The following CCDC102B variants were observed in gnomAD, a reference collection of about 807,000 sequenced individuals.
CCDC102B encodes coiled-coil domain containing 102B.
A neutral mutation model predicts 57.4 loss-of-function variants in CCDC102B; 75 were observed. The observed-to-expected ratio is 1.31, with a 90% confidence interval of 1.08 to 1.58. CCDC102B has a LOEUF of 1.58. CCDC102B is among the 40% of genes most tolerant of loss of function. The pLI is 0.00. For synonymous variants in CCDC102B, 206 were observed against 201.9 expected, an observed-to-expected ratio of 1.02 and a Z score of -0.17; for missense variants, 636 against 582.6, an observed-to-expected ratio of 1.09 and a Z score of -0.94.
chr18:68,897,077 CA>C (rs2040267716), intron 5 of CCDC102B, 141 bp from the exon 6 acceptor site: 1 of 625,322 alleles, frequency 1.6e-6, no homozygotes, highest in Non-Finnish European at 2.8e-6. Flanking sequence ...CTCATGTTTT[CA>C]AACAAATAGA....
chr18:68,794,686 C>T (rs1352926577), upstream of CCDC102B, among the ~76,000 whole-genome samples: 1 of 151,990 alleles, frequency 6.6e-6, no homozygotes, highest in Admixed American at 6.6e-5. Context: ...TATCATATGC[C>T]CCCAAGTGAT....
chr18:69,052,538 A>C (rs555434362), intron 7 of CCDC102B, among the ~76,000 whole-genome samples: 1 of 151,880 alleles, frequency 6.6e-6, no homozygotes, highest in Non-Finnish European at 1.5e-5. Flanking sequence ...GCACGTGTGT[A>C]TCAACAATAG....
chr18:68,967,811 T>A (rs2050202478), intron 6 of CCDC102B, among the ~76,000 whole-genome samples: 1 of 152,124 alleles, frequency 6.6e-6, no homozygotes, highest in Admixed American at 6.6e-5. Flanking sequence ...GTTGGAAACA[T>A]CTCTAGTTTC....
intron 6 of CCDC102B, among the ~76,000 whole-genome samples, chr18:68,974,920 C>A (rs2050393063): frequency 6.6e-6 from 1 of 151,846 alleles, no homozygotes; most frequent in African/African-American, 2.4e-5. Context: ...TCATTTAAAA[C>A]ATTTACATAG....
chr18:68,820,269 G>C (rs186500755), intron 1 of CCDC102B, among the ~76,000 whole-genome samples: 1 of 152,130 alleles, frequency 6.6e-6, no homozygotes, highest in East Asian at 1.9e-4. Flanking sequence ...TTGTAAACTG[G>C]TGTTGAATTT....
intron 6 of CCDC102B, among the ~76,000 whole-genome samples, chr18:68,907,118 T>C (rs894819387): frequency 6.6e-6 from 1 of 152,170 alleles, no homozygotes; most frequent in African/African-American, 2.4e-5. Flanking sequence ...ATTATCCATA[T>C]AGGTATGGTT....
intron 2 of CCDC102B, among the ~76,000 whole-genome samples, chr18:68,755,882 T>A (rs1222476964): frequency 6.6e-6 from 1 of 151,530 alleles, no homozygotes; most frequent in Non-Finnish European, 1.5e-5. Flanking sequence ...TTGCTATATT[T>A]AGCAAATAAA....
chr18:68,782,923 G>A (rs1233170339), intron 2 of CCDC102B, among the ~76,000 whole-genome samples: 1 of 152,114 alleles, frequency 6.6e-6, no homozygotes, highest in African/African-American at 2.4e-5. Flanking sequence ...CTTTTTTAGT[G>A]TAATTGAATG....
intron 2 of CCDC102B, among the ~76,000 whole-genome samples, chr18:68,733,508 T>TATATA (rs1568222920): frequency 0.11 from 10,167 of 90,176 alleles, 818 homozygotes; most frequent in Non-Finnish European, 0.15. Flanking sequence ...ATATATATAT[T>TATATA]TTTTTAACTT....
At chr18:68,913,404 T>G (rs548290400) in intron 6 of CCDC102B, among the ~76,000 whole-genome samples, 1 of 150,812 alleles carries the variant, frequency 6.6e-6, no homozygotes, top group African/African-American at 2.4e-5. Context: ...CCCAGCACTT[T>G]GGGAGGCTGA....
At chr18:68,872,595 T>C (rs902468278) in intron 4 of CCDC102B, among the ~76,000 whole-genome samples, 1 of 152,046 alleles carries the variant, frequency 6.6e-6, no homozygotes, top group Non-Finnish European at 1.5e-5. Context: ...ATCCAGTTTT[T>C]TCTCTCCATT....
At chr18:68,803,029 A>G (rs2035909985) in intron 1 of CCDC102B, among the ~76,000 whole-genome samples, 1 of 152,212 alleles carries the variant, frequency 6.6e-6, no homozygotes, top group South Asian at 2.1e-4. Context: ...GGAAGAATGA[A>G]GTTGCTGATA....
chr18:68,903,032 T>C (rs1568320923), intron 6 of CCDC102B, among the ~76,000 whole-genome samples: 1 of 152,162 alleles, frequency 6.6e-6, no homozygotes, highest in Non-Finnish European at 1.5e-5. Flanking sequence ...TAAGCAATAA[T>C]TTGTGTGCAT....
At chr18:68,986,857 T>C (rs766940213) in intron 6 of CCDC102B, among the ~76,000 whole-genome samples, 2 of 152,062 alleles carry the variant, frequency 1.3e-5, no homozygotes, top group Non-Finnish European at 2.9e-5. Flanking sequence ...TATGAAGACA[T>C]CTTATGAAGG....
chr18:69,053,582 C>T (rs188475407), intron 7 of CCDC102B, among the ~76,000 whole-genome samples: 83 of 151,670 alleles, frequency 5.5e-4, no homozygotes, highest in Admixed American at 9.9e-4. Flanking sequence ...TATTCATGCA[C>T]ATATACAAAA....
chr18:68,765,324 GGAAAGAAA>G lies in CCDC102B; in HGVS notation c.-67+48779_-67+48786del, dbSNP rs1298584705. Among the ~76,000 whole-genome samples the G allele has an allele frequency of 9.1e-3, 551 of 60,314 alleles. 3 individuals are homozygous for G. The highest frequency in any genetic ancestry group is 0.039 in the Middle Eastern group (4 of 102). The allele number at this position is 60,314 out of a possible 152,430, so 39.6% of individuals were successfully genotyped here. A position where few individuals can be genotyped will look rare whatever the true frequency, so the allele number is the denominator to read the frequency against. ...AGGAAGGAAGGAAGGAAGGAAGGAA[GGAAAGAAA>G]GAAAGAAAGAAAGAAAGAAAGAAAG... is the stretch of plus-strand genomic sequence containing the variant. On this transcript the variant is annotated intron_variant, in intron 2 of 3. Coordinates refer to the CCDC102B transcript ENST00000578970.
intron 4 of CCDC102B, 46 bp from the exon 5 acceptor site, chr18:68,874,623 A>C: frequency 8.2e-7 from 1 of 1,226,768 alleles, no homozygotes; most frequent in South Asian, 1.2e-5. Context: ...TCCTGTAACC[A>C]CCCTATATAG....
At chr18:68,964,414 T>C (rs78990728) in intron 6 of CCDC102B, among the ~76,000 whole-genome samples, 3 of 146,654 alleles carry the variant, frequency 2.0e-5, no homozygotes, top group Middle Eastern at 3.5e-3. Flanking sequence ...TTTTTTTTTT[T>C]CTTTTAACTC....
intron 2 of CCDC102B, among the ~76,000 whole-genome samples, chr18:68,726,831 G>A (rs1181683350): frequency 1.3e-5 from 2 of 152,106 alleles, no homozygotes; most frequent in Non-Finnish European, 2.9e-5. Flanking sequence ...GCTTTACCAT[G>A]ATCATGAATC....
Sources: allele counts gnomAD v4.1 joint callset (sites outside exome capture counted in the v4.1 genomes callset), GRCh38; gene constraint gnomAD v4.1.1; transcripts MANE v1.5; gene names NCBI Gene and HGNC (gene_info 2026-07-23, HGNC 2026-07-21).